RBFOX1: variants seen among roughly 807,000 people sequenced by gnomAD.
RBFOX1 encodes the protein RNA binding fox-1 homolog 1, also known as RNA binding protein fox-1 homolog 1.
In RBFOX1, 8 loss-of-function variants were observed where a neutral mutation model predicts 57.7. The observed-to-expected ratio is 0.14, with a 90% CI of 0.08 to 0.25. RBFOX1 has a LOEUF of 0.25. RBFOX1 is among the 10% of genes least tolerant of loss of function. RBFOX1 has a pLI of 1.00. For missense variants in RBFOX1, 611 were observed against 548.5 expected (o/e 1.11, Z -1.14); for synonymous variants, 326 against 222.4 (o/e 1.47, Z -4.15).
At chr16:7,006,584 G>C (rs1056734642) in intron 3 of RBFOX1, among the ~76,000 whole-genome samples, 5 of 152,076 alleles carry the variant, frequency 3.3e-5, no homozygotes, top group African/African-American at 1.2e-4. Flanking sequence ...TGAGTAGGTA[G>C]GACTAGAGTT....
At chr16:6,938,750 G>T (rs545268449) in intron 3 of RBFOX1, among the ~76,000 whole-genome samples, 1 of 152,192 alleles carries the variant, frequency 6.6e-6, no homozygotes, top group Non-Finnish European at 1.5e-5. Flanking sequence ...TGGCTGTCAG[G>T]GTGAAACCCT....
intron 4 of RBFOX1, among the ~76,000 whole-genome samples, chr16:7,206,999 C>T (rs541423649): frequency 6.6e-6 from 1 of 152,184 alleles, no homozygotes; most frequent in Non-Finnish European, 1.5e-5. Context: ...AATTTAGCCC[C>T]TTGCAGCTCA....
intron 3 of RBFOX1, among the ~76,000 whole-genome samples, chr16:6,850,945 G>A (rs1567553279): frequency 6.6e-6 from 1 of 152,150 alleles, no homozygotes; most frequent in African/African-American, 2.4e-5. Context: ...AGCTTTATTT[G>A]TAATAATAGC....
chr16:6,533,525 C>G (rs952322540), intron 2 of RBFOX1, among the ~76,000 whole-genome samples: 4 of 152,134 alleles, frequency 2.6e-5, no homozygotes, highest in Admixed American at 2.0e-4. Context: ...TTGATTGATC[C>G]TGTGCTTTTA....
At chr16:7,623,394 T>C (rs542175111) in intron 10 of RBFOX1, among the ~76,000 whole-genome samples, 1 of 152,266 alleles carries the variant, frequency 6.6e-6, no homozygotes, top group African/African-American at 2.4e-5. Flanking sequence ...GGGCTTCTTT[T>C]CTTGTAACTA....
At chr16:6,941,306 CCTTCCTTCCT>C (rs1567990771) in intron 3 of RBFOX1, among the ~76,000 whole-genome samples, 7 of 41,666 alleles carry the variant, frequency 1.7e-4, no homozygotes, top group African/African-American at 4.2e-4. Context: ...CTCCCTCCTT[CCTTCCTTCCT>C]TCCTTCCTTC....
At chr16:6,032,467 AG>A (rs1354614620) in intron 1 of RBFOX1, among the ~76,000 whole-genome samples, 1 of 152,196 alleles carries the variant, frequency 6.6e-6, no homozygotes, top group African/African-American at 2.4e-5. Flanking sequence ...AGGGAGAAAG[AG>A]GCTCTTGAGC....
intron 3 of RBFOX1, among the ~76,000 whole-genome samples, chr16:7,020,512 C>G: frequency 6.6e-6 from 1 of 152,028 alleles, no homozygotes; most frequent in Non-Finnish European, 1.5e-5. Context: ...AGCCACCGCG[C>G]CCAGCCAATC....
chr16:5,311,778 TTAG>T (rs1448542527), intron 1 of RBFOX1, among the ~76,000 whole-genome samples: 5 of 152,324 alleles, frequency 3.3e-5, no homozygotes, highest in African/African-American at 1.2e-4. Context: ...AATTACACTC[TTAG>T]TAGGGAATAA....
chr16:6,719,725 C>A (rs183193634), intron 3 of RBFOX1, among the ~76,000 whole-genome samples: 1 of 151,932 alleles, frequency 6.6e-6, no homozygotes, highest in Non-Finnish European at 1.5e-5. Context: ...GGATTACAGG[C>A]GTGAGCCACC....
intron 14 of RBFOX1, among the ~76,000 whole-genome samples, chr16:7,698,025 T>G (rs1007798692): frequency 6.6e-6 from 1 of 152,052 alleles, no homozygotes; most frequent in Non-Finnish European, 1.5e-5. Context: ...ATGTTGCGTA[T>G]TAGGGAAGAG....
At chr16:5,698,889 G>C (rs1467029204) in intron 3 of RBFOX1, among the ~76,000 whole-genome samples, 1 of 151,752 alleles carries the variant, frequency 6.6e-6, no homozygotes, top group Admixed American at 6.6e-5. Context: ...TGTAGCATCT[G>C]TATTGCAATG....
intron 2 of RBFOX1, among the ~76,000 whole-genome samples, chr16:5,519,593 T>C (rs1466729678): frequency 6.6e-6 from 1 of 152,092 alleles, no homozygotes; most frequent in African/African-American, 2.4e-5. Context: ...GGTGTGGTGG[T>C]GTATACCTGT....
At chr16:6,135,785 C>CTG (rs2096662502) in intron 1 of RBFOX1, among the ~76,000 whole-genome samples, 4 of 85,036 alleles carry the variant, frequency 4.7e-5, no homozygotes, top group African/African-American at 2.1e-4. Flanking sequence ...CTCGTTTCGA[C>CTG]TTTTTTTTTT....
At chr16:6,356,932 G>A (rs2087429889) in intron 2 of RBFOX1, among the ~76,000 whole-genome samples, 1 of 152,108 alleles carries the variant, frequency 6.6e-6, no homozygotes, top group African/African-American at 2.4e-5. Flanking sequence ...ATAAGTCTAT[G>A]AAAGGAAACT....
chr16:6,353,683 C>G (rs2086791712), intron 2 of RBFOX1, among the ~76,000 whole-genome samples: 1 of 152,076 alleles, frequency 6.6e-6, no homozygotes, highest in South Asian at 2.1e-4. Context: ...GCCCTTTGTT[C>G]CCTGTAGTGT....
chr16:6,287,718 G>A (rs1274940034), intron 1 of RBFOX1, among the ~76,000 whole-genome samples: 1 of 152,110 alleles, frequency 6.6e-6, no homozygotes, highest in Non-Finnish European at 1.5e-5. Context: ...ACATATATGT[G>A]ATACATATGA....
At chr16:6,046,057 C>T (rs574130655) in intron 1 of RBFOX1, among the ~76,000 whole-genome samples, 1 of 152,248 alleles carries the variant, frequency 6.6e-6, no homozygotes, top group African/African-American at 2.4e-5. Flanking sequence ...TTTCTAAGCA[C>T]CATAGGAAGG....
At chr16:7,686,776 CG>C (rs1439584735) in intron 14 of RBFOX1, among the ~76,000 whole-genome samples, 1 of 152,030 alleles carries the variant, frequency 6.6e-6, no homozygotes, top group Admixed American at 6.6e-5. Flanking sequence ...TTCAGATTCA[CG>C]GTTGGTTCTC....
Sources: allele counts gnomAD v4.1 joint callset (sites outside exome capture counted in the v4.1 genomes callset), GRCh38; gene constraint gnomAD v4.1.1; transcripts MANE v1.5; gene names NCBI Gene and HGNC (gene_info 2026-07-23, HGNC 2026-07-21).